DNAH8: variants seen among roughly 807,000 people sequenced by gnomAD.
DNAH8 encodes dynein axonemal heavy chain 8, also known as axonemal beta dynein heavy chain 8.
In DNAH8, 382 loss-of-function variants were observed where a neutral mutation model predicts 562.1. The observed-to-expected ratio is 0.68, with a 90% CI of 0.63 to 0.74. DNAH8 has a LOEUF of 0.74. Ranked by LOEUF, DNAH8 falls within the 30% of genes least tolerant of loss-of-function variation. DNAH8 has a pLI of 0.00. For missense variants in DNAH8, 5,203 were observed against 5,620.4 expected (o/e 0.93, Z 2.37); for synonymous variants, 1,881 against 1,919.4 (o/e 0.98, Z 0.52).
chr6:38,977,698 A>G (rs1336214727), intron 85 of DNAH8, among the ~76,000 whole-genome samples: 1 of 152,148 alleles, frequency 6.6e-6, no homozygotes, highest in Non-Finnish European at 1.5e-5. Context: ...TTGAAACTCA[A>G]TCATTACATT....
intron 79 of DNAH8, among the ~76,000 whole-genome samples, chr6:38,941,205 G>T (rs1783431363): frequency 6.6e-6 from 1 of 152,076 alleles, no homozygotes; most frequent in South Asian, 2.1e-4. Context: ...CCAAAGCCAT[G>T]GGAATGAAAG....
intron 91 of DNAH8, among the ~76,000 whole-genome samples, chr6:39,019,328 C>A (rs866382127): frequency 2.6e-5 from 4 of 152,118 alleles, no homozygotes; most frequent in Admixed American, 2.0e-4. Flanking sequence ...GGCTTGCTGG[C>A]AAGAAGTTAA....
Position 38,755,988 on chromosome 6 carries a change from G to A in DNAH8, c.1424G>A (p.Gly475Glu). The change falls in exon 10 of 93, where the codon GGA becomes GAA. Residue 475 changes from glycine (G) to glutamate (E), a missense_variant. Physicochemically the swap from Gly to Glu is moderately conservative, Grantham distance 98. This residue lies in a region of DNAH8 where 2,176 missense variants were observed against 2,365.1 expected (regional missense o/e 0.92). Coordinates refer to ENST00000327475, the MANE Select transcript of DNAH8 (RefSeq NM_001206927.2). Reference sequence around the variant, plus strand: ...CAATGTTAGGTTTCCATGGCACATGGAATACAAAATTTGATTAATGCCATC... The same window carrying A: ...CAATGTTAGGTTTCCATGGCACATGAAATACAAAATTTGATTAATGCCATC... ...YNHDLVSMAH[G>E]IQNLINAIRM... The A allele has an allele frequency of 6.2e-7, 1 of 1,604,176 alleles. No homozygotes were observed. Among genetic ancestry groups the A allele is most frequent in the Non-Finnish European group, 8.5e-7 (1 of 1,171,742 alleles).
chr6:38,787,989 G>A (rs1020510739), intron 18 of DNAH8, among the ~76,000 whole-genome samples: 4 of 152,018 alleles, frequency 2.6e-5, no homozygotes, highest in East Asian at 1.9e-4. Flanking sequence ...AAAGACTGGA[G>A]TCTAACTCCA....
intron 73 of DNAH8, chr6:38,925,007 G>C (rs1782001171): frequency 6.6e-6 from 1 of 152,212 alleles, no homozygotes; most frequent in African/African-American, 2.4e-5. Context: ...TTGTATTCAT[G>C]AGTTGCTTTT....
chr6:38,769,268 G>A (rs1767322985), intron 11 of DNAH8, among the ~76,000 whole-genome samples: 1 of 152,144 alleles, frequency 6.6e-6, no homozygotes, highest in South Asian at 2.1e-4. Flanking sequence ...TGTGCAGAAT[G>A]TGCAGGTTTG....
chr6:38,766,069 C>T (rs1397690600), intron 11 of DNAH8, among the ~76,000 whole-genome samples: 1 of 151,724 alleles, frequency 6.6e-6, no homozygotes, highest in Admixed American at 6.6e-5. Context: ...AACCTAAGTG[C>T]CTGTTGACAG....
At chr6:38,744,672 A>C (rs1764785346) in intron 8 of DNAH8, among the ~76,000 whole-genome samples, 1 of 152,104 alleles carries the variant, frequency 6.6e-6, no homozygotes, top group African/African-American at 2.4e-5. Context: ...GATTCACTGC[A>C]CGCTCGACCT....
intron 8 of DNAH8, among the ~76,000 whole-genome samples, chr6:38,747,384 C>CTTTTTTTT (rs55729629): frequency 1.8e-5 from 2 of 113,776 alleles, no homozygotes; most frequent in Admixed American, 9.6e-5. Context: ...TTTTCTTTTT[C>CTTTTTTTT]TTTTTTTTTT....
intron 88 of DNAH8, among the ~76,000 whole-genome samples, chr6:39,000,027 A>AT (rs1390809906): frequency 6.6e-6 from 1 of 152,112 alleles, no homozygotes. Context: ...GAATAAGTAA[A>AT]TTTTCATGTC....
At chr6:39,005,286 G>A (rs1037121861) in intron 88 of DNAH8, among the ~76,000 whole-genome samples, 3 of 152,066 alleles carry the variant, frequency 2.0e-5, no homozygotes, top group Non-Finnish European at 4.4e-5. Flanking sequence ...GGTAGTGCAC[G>A]CCTATGGTCT....
intron 3 of DNAH8, among the ~76,000 whole-genome samples, chr6:38,726,706 T>C (rs1468060372): frequency 6.6e-6 from 1 of 151,982 alleles, no homozygotes; most frequent in Non-Finnish European, 1.5e-5. Context: ...GTTTATTTGG[T>C]TGAGGGGAAA....
At chr6:38,744,764 T>C (rs1764792434) in intron 8 of DNAH8, among the ~76,000 whole-genome samples, 1 of 152,052 alleles carries the variant, frequency 6.6e-6, no homozygotes, top group Admixed American at 6.5e-5. Flanking sequence ...AACTAATTTT[T>C]AAACAATTTT....
intron 10 of DNAH8, among the ~76,000 whole-genome samples, chr6:38,757,147 A>C (rs1765994542): frequency 6.6e-6 from 1 of 151,816 alleles, no homozygotes; most frequent in Admixed American, 6.6e-5. Flanking sequence ...ACAGTGTAAA[A>C]GTGTTCCTAT....
chr6:38,914,991 G>C (rs978971568), intron 67 of DNAH8, among the ~76,000 whole-genome samples: 4 of 151,926 alleles, frequency 2.6e-5, no homozygotes, highest in Non-Finnish European at 5.9e-5. Context: ...TATATTCTAA[G>C]CCTAAGAAAA....
intron 1 of DNAH8, 123 bp downstream of exon 1, chr6:38,715,538 C>T (rs1366938658): frequency 6.6e-6 from 1 of 152,372 alleles, no homozygotes; most frequent in Non-Finnish European, 1.5e-5. Flanking sequence ...ACAGTTCAGT[C>T]CTCCACCTCT....
At chr6:38,790,505 T>G in intron 20 of DNAH8, 100 bp downstream of exon 20, 1 of 592,330 alleles carries the variant, frequency 1.7e-6, no homozygotes, top group South Asian at 2.1e-5. Flanking sequence ...GACTTTTAAC[T>G]AAAAGGACAT....
At chr6:38,828,142 C>T (rs756571734) in intron 29 of DNAH8, 42 bp from the exon 30 acceptor site, 2 of 1,305,670 alleles carry the variant, frequency 1.5e-6, no homozygotes, top group Non-Finnish European at 2.2e-6. Flanking sequence ...TTGGCAATGG[C>T]TTTCCCTTGT....
chr6:38,940,978 G>C (rs1251241147), intron 79 of DNAH8, among the ~76,000 whole-genome samples: 1 of 151,878 alleles, frequency 6.6e-6, no homozygotes, highest in African/African-American at 2.4e-5. Flanking sequence ...AAATTAGCTG[G>C]GCGTGGTGGC....
Sources: gnomAD v4.1 joint callset for allele counts (sites outside exome capture counted in the v4.1 genomes callset) on GRCh38, gnomAD v4.1.1 for gene constraint, gnomAD v4.1.1 regional missense constraint, MANE v1.5 for transcripts, NCBI Gene and HGNC (gene_info 2026-07-23, HGNC 2026-07-21) for gene names.